Variants in CCDC62 observed in about 807,000 individuals in gnomAD.
CCDC62 encodes the protein coiled-coil domain containing 62.
Under a neutral mutation model 80.8 loss-of-function variants are expected in CCDC62, and 72 were observed. The observed-to-expected ratio is 0.89, with a 90% CI of 0.74 to 1.08. CCDC62 has a LOEUF of 1.08. CCDC62 is among the 50% of genes least tolerant of loss of function. The pLI is 0.00. For synonymous variants in CCDC62, 286 were observed against 296.5 expected (o/e 0.96, Z 0.36); for missense variants, 704 against 809.4 (o/e 0.87, Z 1.58).
intron 10 of CCDC62, among the ~76,000 whole-genome samples, chr12:122,812,721 CAAAA>C (rs71085857): frequency 0.019 from 900 of 47,346 alleles, 24 homozygotes; most frequent in Non-Finnish European, 0.019. Flanking sequence ...GACTCCGTCT[CAAAA>C]AAAAAAAAAA....
intron 10 of CCDC62, 68 bp downstream of exon 10, chr12:122,806,363 C>A: frequency 7.7e-7 from 1 of 1,301,926 alleles, no homozygotes. Flanking sequence ...TAATGCTTCT[C>A]TAGCAACCAC....
chr12:122,780,127 T>C (rs1294073847), intron 2 of CCDC62, among the ~76,000 whole-genome samples: 38 of 132,822 alleles, frequency 2.9e-4, no homozygotes, highest in East Asian at 1.4e-3. Flanking sequence ...CTGGCCAATA[T>C]GGTGAAACCC....
chr12:122,808,032 A>G (rs541299391), intron 10 of CCDC62, among the ~76,000 whole-genome samples: 1 of 152,234 alleles, frequency 6.6e-6, no homozygotes, highest in East Asian at 1.9e-4. Flanking sequence ...ATGGTAGGCC[A>G]TTAAAAGTAA....
At chr12:122,782,025 C>CA (rs370400310) in intron 3 of CCDC62, among the ~76,000 whole-genome samples, 13,732 of 65,318 alleles carry the variant, frequency 0.21, 1,289 homozygotes, top group East Asian at 0.39. Context: ...GCCTGGGTGA[C>CA]AAAAAAAAAA....
chr12:122,824,815 T>G (rs767383738), intron 12 of CCDC62, among the ~76,000 whole-genome samples: 82 of 152,294 alleles, frequency 5.4e-4, no homozygotes, highest in Non-Finnish European at 1.0e-3. Context: ...CCAGGCATGG[T>G]GGCTCATGCC....
chr12:122,775,085 C>G (rs1593771886), intron 1 of CCDC62, among the ~76,000 whole-genome samples: 2 of 112,704 alleles, frequency 1.8e-5, no homozygotes, highest in East Asian at 5.1e-4. Flanking sequence ...CAGAGCGAGA[C>G]TCCGTCTCAA....
chr12:122,788,776 G>T lies in CCDC62; in HGVS notation c.517G>T (p.Ala173Ser), dbSNP rs1448380689. Residue 173 changes from alanine to serine, a missense_variant, in exon 5 of 13, where the codon GCA becomes TCA. By Grantham distance (99) the Ala-to-Ser change is moderately conservative. Transcript: ENST00000253079. ...TTTTTAGGACAAAGATATTATTGAG[G>T]CAGTTAATCACATTGCAGATTGTTC... ...IKLKDKDIIE[A>S]VNHIADCSGK... is the part of the protein sequence containing the mutation. 5 of 1,566,024 alleles carry T rather than the reference G, an allele frequency of 3.2e-6. No homozygotes were observed. The African/African-American group carries it at 5.5e-5, about 17-fold the overall frequency.
intron 2 of CCDC62, among the ~76,000 whole-genome samples, chr12:122,780,721 A>G (rs1879805953): frequency 6.6e-6 from 1 of 152,216 alleles, no homozygotes. Flanking sequence ...ATTACCTAGC[A>G]ATGTTAGTGC....
At chr12:122,795,668 C>T (rs923343199) in intron 6 of CCDC62, among the ~76,000 whole-genome samples, 3 of 152,160 alleles carry the variant, frequency 2.0e-5, no homozygotes, top group African/African-American at 7.2e-5. Context: ...TCATGATCTG[C>T]CCACCTTGGC....
intron 8 of CCDC62, among the ~76,000 whole-genome samples, chr12:122,799,705 T>C (rs1276260633): frequency 1.3e-5 from 2 of 152,234 alleles, no homozygotes; most frequent in African/African-American, 4.8e-5. Context: ...TCCCCATGGC[T>C]GTTTGGAACC....
At position 122,817,680 on chromosome 12, in the gene CCDC62, G is replaced by A. The variant is rs569437952; in HGVS notation, c.2001+4261G>A. Among the ~76,000 whole-genome samples the A allele has an allele frequency of 1.4e-4, 21 of 152,264 alleles. No homozygotes were observed. In the South Asian group the frequency reaches 4.4e-3, roughly 32 times the overall value. ...CAACAGATGTCTCCTCCTTGTCCTCGTGGCTTCAGGTTGTTCTCTCAACCT... is the reference window on the plus strand; with the variant it reads ...CAACAGATGTCTCCTCCTTGTCCTCATGGCTTCAGGTTGTTCTCTCAACCT... On this transcript the variant is annotated intron_variant, in intron 11 of 12. Coordinates refer to ENST00000253079, the MANE Select transcript of CCDC62 (RefSeq NM_201435.5).
rs1196978991 is a variant in CCDC62, at chr12:122,774,705, A to T, written c.35A>T (p.Gln12Leu). The T allele has an allele frequency of 6.2e-5, 78 of 1,255,694 alleles. No individual in the cohort carries two copies. Among genetic ancestry groups the T allele is most frequent in the Non-Finnish European group, 7.9e-5 (78 of 991,186 alleles). The allele number at this position is 1,255,694 out of a possible 1,614,324, so 77.8% of individuals were successfully genotyped here. Residue 12 changes from glutamine to leucine, a missense_variant and splice_region_variant, in exon 1 of 13, where the codon CAG (glutamine) becomes CTG (leucine). Coordinates refer to ENST00000253079, the MANE Select transcript of CCDC62 (RefSeq NM_201435.5). ...CCGGCAGCCTTCCTTGCCGGGCGCC[A>T]GGTAAGCAGCGGTTCCGGGCGCGGC... ...NPPAAFLAGRQNIGSEVEIST... is the reference protein window; with the variant it reads ...NPPAAFLAGRLNIGSEVEIST...
Position 122,787,207 on chromosome 12 carries a change from G to T in CCDC62, c.498+1387G>T, listed in dbSNP as rs866290432. ...TCATGCCTATAATCCCAGCACTTTG[G>T]GAAGCTGAGGTGGGTGGATCGCTTG... On this transcript the variant is annotated intron_variant, in intron 4 of 12. Coordinates refer to ENST00000253079, the MANE Select transcript of CCDC62 (RefSeq NM_201435.5). 6.4e-4 allele frequency among the ~76,000 whole-genome samples: 97 copies of T among 152,266 alleles called. No homozygotes were observed. In the Middle Eastern group the frequency reaches 0.01, roughly 16 times the overall value.
chr12:122,815,744 GC>G (rs1300238050), intron 11 of CCDC62, among the ~76,000 whole-genome samples: 1 of 152,114 alleles, frequency 6.6e-6, no homozygotes, highest in East Asian at 1.9e-4. Context: ...ACCACACCCA[GC>G]CTATTCTAGT....
At chr12:122,813,606 C>T (rs897540673) in intron 11 of CCDC62, among the ~76,000 whole-genome samples, 187 bp downstream of exon 11, 1 of 152,150 alleles carries the variant, frequency 6.6e-6, no homozygotes, top group African/African-American at 2.4e-5. Flanking sequence ...TGGACCCAAA[C>T]TTCCTCTTTC....
chr12:122,813,695 C>T (rs1452590507), intron 11 of CCDC62, among the ~76,000 whole-genome samples: 4 of 152,186 alleles, frequency 2.6e-5, no homozygotes, highest in East Asian at 1.9e-4. Flanking sequence ...TTGCTCTTGT[C>T]GCCCAGGCTG....
chr12:122,800,914 A>G (rs1382260657), intron 8 of CCDC62, among the ~76,000 whole-genome samples: 3 of 152,196 alleles, frequency 2.0e-5, no homozygotes, highest in Non-Finnish European at 4.4e-5. Context: ...TCATGTAGAC[A>G]GTAAGTGCAA....
rs1248501979 is a variant in CCDC62, at chr12:122,827,437, T to G, written c.*1056T>G. The stretch of plus-strand genomic sequence containing the variant: ...CATGAGCGGGGAAGAGCCACCTCAT[T>G]TAGCCTTTTTAATTAGGGTGCTGAA... On this transcript the variant is annotated 3_prime_UTR_variant, in exon 13 of 13. Transcript: ENST00000253079. 2 of 152,164 alleles carry G rather than the reference T, an allele frequency of 1.3e-5. No homozygotes were observed. Among genetic ancestry groups the G allele is most frequent in the African/African-American group, 4.8e-5 (2 of 41,428 alleles). The allele number at this position is 152,164 out of a possible 1,614,324, so 9.4% of individuals were successfully genotyped here. A position where few individuals can be genotyped will look rare whatever the true frequency, so the allele number is the denominator to read the frequency against.
At position 122,802,160 on chromosome 12, in the gene CCDC62, C is replaced by T. The variant is rs571567551; in HGVS notation, c.1706+308C>T. Among the ~76,000 whole-genome samples, 42 of 152,220 alleles carry T rather than the reference C, an allele frequency of 2.8e-4. No homozygotes were observed. In the Middle Eastern group the frequency reaches 0.014, roughly 49 times the overall value. The stretch of plus-strand genomic sequence containing the variant: ...CAGATATGCTTTATTAAAAAGCAAA[C>T]GGGTGGATCGCTGCACAGAGTGGAA... On this transcript the variant is annotated intron_variant, in intron 9 of 12. Transcript: ENST00000253079.
Sources: allele counts gnomAD v4.1 joint callset (sites outside exome capture counted in the v4.1 genomes callset), GRCh38; gene constraint gnomAD v4.1.1; transcripts MANE v1.5; gene names NCBI Gene and HGNC (gene_info 2026-07-23, HGNC 2026-07-21).